The following CYB5R4 variants were observed in gnomAD, a reference collection of about 807,000 sequenced individuals.
The protein encoded by CYB5R4 is N-terminal cytochrome b5 and cytochrome b5 oxidoreductase domain-containing protein.
In CYB5R4, 55 loss-of-function variants were observed where a neutral mutation model predicts 70.2. The ratio of observed to expected loss-of-function variants is 0.78; its 90% confidence interval spans 0.63 to 0.98. The LOEUF (loss-of-function observed/expected upper bound fraction) is 0.98. Among genes scored for constraint, CYB5R4 ranks in the 50% least tolerant of loss-of-function variants. The probability of loss-of-function intolerance (pLI) is 0.00; values close to 1 mark genes in which losing one functional copy is unlikely to be tolerated. For synonymous variants in CYB5R4, 197 were observed against 199.5 expected (o/e 0.99, Z 0.11); for missense variants, 562 against 612.6 (o/e 0.92, Z 0.87).
In CYB5R4 at chr6:83,961,417, G is replaced by A. The variant is rs765909363; in HGVS notation, c.*1539G>A. 1 of 151,968 alleles carries A rather than the reference G, an allele frequency of 6.6e-6. No individual in the cohort carries two copies. Among genetic ancestry groups the A allele is most frequent in the African/African-American group, 2.4e-5 (1 of 41,362 alleles). The allele number at this position is 151,968 out of a possible 1,614,324, so 9.4% of individuals were successfully genotyped here. Reference sequence around the variant, plus strand: ...CCACATGTCGAGGGAGGGTCTTGGTGGGAGGTGATTGGATCATGGGAGTGA... The same window carrying A: ...CCACATGTCGAGGGAGGGTCTTGGTAGGAGGTGATTGGATCATGGGAGTGA... On this transcript the variant is annotated 3_prime_UTR_variant, in exon 16 of 16. Coordinates refer to ENST00000369681, the MANE Select transcript of CYB5R4 (RefSeq NM_016230.4).
In CYB5R4 at chr6:83,918,033, T is replaced by C. The variant is rs150033774; in HGVS notation, c.474T>C (p.Asp158=). 4.8e-5 allele frequency: 78 copies of C among 1,611,564 alleles called. No homozygotes were observed. In the Admixed American group the frequency reaches 6.7e-4, roughly 14 times the overall value. ...TGCTTCCCAAGAGCCAAGTGACAGATACACTTGCCAAAGAAGGTCCTAGTT... is the reference window on the plus strand; with the variant it reads ...TGCTTCCCAAGAGCCAAGTGACAGACACACTTGCCAAAGAAGGTCCTAGTT... The part of the protein sequence containing the change: ...NGMLPKSQVT[D]TLAKEGPSYP... The change falls in exon 6 of 16, where the codon GAT becomes GAC. Residue 158 remains aspartate (D), a synonymous_variant. Transcript: ENST00000369681.
intron 2 of CYB5R4, among the ~76,000 whole-genome samples, chr6:83,874,491 G>A (rs907702573): frequency 2.0e-5 from 3 of 151,180 alleles, no homozygotes; most frequent in African/African-American, 7.3e-5. Context: ...ACTGTGCCAG[G>A]CCTCAAAGAC....
chr6:83,917,918 A>G, intron 5 of CYB5R4, 87 bp from the exon 6 acceptor site: 6 of 962,726 alleles, frequency 6.2e-6, no homozygotes, highest in Non-Finnish European at 6.6e-6. Flanking sequence ...TTATGAATAT[A>G]TGTGATATTT....
intron 2 of CYB5R4, among the ~76,000 whole-genome samples, chr6:83,871,093 C>T (rs947971596): frequency 1.3e-4 from 20 of 151,794 alleles, no homozygotes; most frequent in Admixed American, 6.6e-4. Context: ...TCTCCTGCCC[C>T]AGCCTCTTGA....
intron 4 of CYB5R4, among the ~76,000 whole-genome samples, chr6:83,912,765 T>C (rs1047423353): frequency 2.6e-5 from 4 of 152,214 alleles, no homozygotes; most frequent in African/African-American, 9.6e-5. Flanking sequence ...GTCTCCTCCA[T>C]TTCTGTAACT....
In CYB5R4 at chr6:83,917,775, C is replaced by A. The variant is rs61763820; in HGVS notation, c.446-230C>A. 4.2e-3 allele frequency among the ~76,000 whole-genome samples: 642 copies of A among 152,078 alleles called. 6 individuals carry two copies. The highest frequency in any genetic ancestry group is 0.015 in the African/African-American group (613 of 41,522). On this transcript the variant is annotated intron_variant, in intron 5 of 15. Coordinates refer to ENST00000369681, the MANE Select transcript of CYB5R4 (RefSeq NM_016230.4). ...GTCAGAATACATGTTACTCTTGAGG[C>A]AGGGGTGGTGATTGAAAAGGGGGCA...
chr6:83,929,771 C>CAACGG (rs2099467874), intron 10 of CYB5R4, among the ~76,000 whole-genome samples: 1 of 151,998 alleles, frequency 6.6e-6, no homozygotes, highest in South Asian at 2.1e-4. Context: ...TTGATACTGT[C>CAACGG]TTTAATATGG....
intron 3 of CYB5R4, among the ~76,000 whole-genome samples, chr6:83,905,668 G>A (rs778496355): frequency 6.6e-6 from 1 of 152,054 alleles, no homozygotes; most frequent in African/African-American, 2.4e-5. Flanking sequence ...GCTGGCACCA[G>A]GGTTCATCAA....
At chr6:83,953,707 T>G (rs1240464304) in intron 14 of CYB5R4, among the ~76,000 whole-genome samples, 1 of 152,084 alleles carries the variant, frequency 6.6e-6, no homozygotes, top group Non-Finnish European at 1.5e-5. Flanking sequence ...GTTGTGACAG[T>G]AAAAATGGGA....
intron 9 of CYB5R4, among the ~76,000 whole-genome samples, chr6:83,923,643 A>G (rs189154245): frequency 5.3e-5 from 8 of 152,298 alleles, no homozygotes; most frequent in South Asian, 4.1e-4. Flanking sequence ...TAATTATTCA[A>G]TAAATAAAAA....
chr6:83,959,831 C>A lies in CYB5R4; in HGVS notation c.1519C>A (p.His507Asn). Residue 507 changes from histidine to asparagine, a missense_variant, in exon 16 of 16, where the codon CAT becomes AAT. His to Asn is a moderately conservative substitution (Grantham distance 68). Coordinates refer to ENST00000369681, the MANE Select transcript of CYB5R4 (RefSeq NM_016230.4). ...PFTEQGVRLL[H>N]DLNFSKNEIH... The stretch of plus-strand genomic sequence containing the variant: ...TTTTTATTTGTTTTTCAGGTTGCTG[C>A]ATGATCTCAACTTTTCCAAAAATGA... 6.2e-7 allele frequency: 1 copy of A among 1,600,040 alleles called. No homozygotes were observed. Among genetic ancestry groups the A allele is most frequent in the South Asian group, 1.1e-5 (1 of 88,162 alleles).
intron 3 of CYB5R4, among the ~76,000 whole-genome samples, chr6:83,898,647 T>G (rs2099462338): frequency 6.6e-6 from 1 of 152,164 alleles, no homozygotes; most frequent in South Asian, 2.1e-4. Context: ...CGTTGAGCAG[T>G]GGTTTGTAGT....
chr6:83,951,423 A>ATCCC (rs1442359277), intron 14 of CYB5R4, among the ~76,000 whole-genome samples: 2 of 152,092 alleles, frequency 1.3e-5, no homozygotes, highest in African/African-American at 4.8e-5. Flanking sequence ...CTCCTAATTC[A>ATCCC]TCCCTCCCCT....
chr6:83,903,615 T>G (rs1315776229), intron 3 of CYB5R4, among the ~76,000 whole-genome samples: 1 of 152,160 alleles, frequency 6.6e-6, no homozygotes, highest in African/African-American at 2.4e-5. Flanking sequence ...GATTTACTCT[T>G]CTTTCTACAT....
At chr6:83,939,864 G>A (rs2099469484) in intron 12 of CYB5R4, among the ~76,000 whole-genome samples, 192 bp from the exon 13 acceptor site, 1 of 152,002 alleles carries the variant, frequency 6.6e-6, no homozygotes, top group Non-Finnish European at 1.5e-5. Context: ...CATACTTAGG[G>A]GCCTAATGAG....
intron 5 of CYB5R4, among the ~76,000 whole-genome samples, chr6:83,915,462 G>A (rs576468607): frequency 3.9e-5 from 6 of 152,078 alleles, no homozygotes; most frequent in South Asian, 4.1e-4. Flanking sequence ...CTTTGGTTTC[G>A]TCTGATGATT....
chr6:83,924,724 A>G lies in CYB5R4; in HGVS notation c.814+132A>G. The G allele has an allele frequency of 3.3e-6, 3 of 914,058 alleles. No homozygotes were observed. In the South Asian group the frequency reaches 5.3e-5, roughly 16 times the overall value. 56.6% of individuals were successfully genotyped at this position (914,058 alleles called of 1,614,324 possible). On this transcript the variant is annotated intron_variant, in intron 10 of 15. Transcript: ENST00000369681. ...CTTGTATCTACTGCTAGGAAGTTTG[A>G]AAGGGACAATGTGTGTTGTCCTGCT...
At chr6:83,921,675 A>T (rs937593986) in intron 8 of CYB5R4, among the ~76,000 whole-genome samples, 3 of 152,204 alleles carry the variant, frequency 2.0e-5, no homozygotes, top group African/African-American at 7.2e-5. Flanking sequence ...CAGAGAAAAA[A>T]GTGGTAGAAA....
Position 83,965,076 on chromosome 6 carries a change from A to ACCTCGG in CYB5R4, c.*5200_*5205dup, listed in dbSNP as rs1588592121. 6.6e-6 allele frequency: 1 copy of ACCTCGG among 152,240 alleles called. No homozygotes were observed. Among genetic ancestry groups the ACCTCGG allele is most frequent in the Admixed American group, 6.5e-5 (1 of 15,282 alleles). 9.4% of individuals were successfully genotyped at this position (152,240 alleles called of 1,614,324 possible). A position where few individuals can be genotyped will look rare whatever the true frequency, so the allele number is the denominator to read the frequency against. On this transcript the variant is annotated 3_prime_UTR_variant, in exon 16 of 16. Transcript: ENST00000369681. ...TGCAGGGGCGGGGCTCTCATGGAGA[A>ACCTCGG]CCTCGGCTAGGGCAGTGCAGAAGGG... is the stretch of plus-strand genomic sequence containing the variant.
Sources: allele counts gnomAD v4.1 joint callset (sites outside exome capture counted in the v4.1 genomes callset), GRCh38; gene constraint gnomAD v4.1.1; transcripts MANE v1.5; gene names NCBI Gene and HGNC (gene_info 2026-07-23, HGNC 2026-07-21).